Variants in SEMA5A observed in about 807,000 individuals in gnomAD.
The protein encoded by SEMA5A is semaphorin 5A.
SEMA5A carries 55 observed loss-of-function variants against 135.5 expected under a neutral mutation model. That is an observed-to-expected ratio of 0.41 (90% CI 0.33 to 0.51). The LOEUF (loss-of-function observed/expected upper bound fraction) is 0.51. Ranked by LOEUF, SEMA5A falls within the 20% of genes least tolerant of loss-of-function variation. The probability of loss-of-function intolerance (pLI) is 0.37; values close to 1 mark genes in which losing one functional copy is unlikely to be tolerated. For missense variants in SEMA5A, 1,290 were observed against 1,419.9 expected (o/e 0.91, Z 1.47); for synonymous variants, 580 against 546.5 (o/e 1.06, Z -0.85).
chr5:9,440,019 T>C (rs1409957640), intron 1 of SEMA5A, among the ~76,000 whole-genome samples: 6 of 152,264 alleles, frequency 3.9e-5, no homozygotes, highest in African/African-American at 1.4e-4. Flanking sequence ...AAGTGAGCCA[T>C]GTTGGGACTT....
chr5:9,118,900 C>T, intron 15 of SEMA5A, 98 bp downstream of exon 15: 1 of 1,455,618 alleles, frequency 6.9e-7, no homozygotes, highest in South Asian at 1.3e-5. Context: ...CACACATAAG[C>T]TTAGGCAGAT....
chr5:9,463,597 T>C (rs1381104030), intron 1 of SEMA5A, among the ~76,000 whole-genome samples: 1 of 152,206 alleles, frequency 6.6e-6, no homozygotes, highest in Non-Finnish European at 1.5e-5. Flanking sequence ...TAAAAATGGA[T>C]ACTCTCATTT....
intron 8 of SEMA5A, among the ~76,000 whole-genome samples, chr5:9,203,054 A>C (rs1207794215): frequency 6.6e-6 from 1 of 152,238 alleles, no homozygotes; most frequent in Non-Finnish European, 1.5e-5. Context: ...ATACATTATC[A>C]ACTGAATTTT....
intron 20 of SEMA5A, among the ~76,000 whole-genome samples, chr5:9,051,295 C>A (rs967491926): frequency 1.3e-5 from 2 of 152,200 alleles, no homozygotes; most frequent in African/African-American, 2.4e-5. Flanking sequence ...ACACAGTGGA[C>A]ATATGCGCAA....
intron 3 of SEMA5A, among the ~76,000 whole-genome samples, chr5:9,362,297 CTT>C (rs756086213): frequency 2.0e-4 from 31 of 152,106 alleles, no homozygotes; most frequent in Non-Finnish European, 4.1e-4. Flanking sequence ...CTTGACCTCT[CTT>C]TTTTATTTCT....
intron 4 of SEMA5A, among the ~76,000 whole-genome samples, chr5:9,319,855 CTG>C (rs1752548869): frequency 6.6e-6 from 1 of 151,528 alleles, no homozygotes; most frequent in Admixed American, 6.6e-5. Flanking sequence ...GGTATATAAA[CTG>C]GACATATATC....
At chr5:9,541,653 G>T (rs1010151028) in intron 1 of SEMA5A, among the ~76,000 whole-genome samples, 2 of 152,180 alleles carry the variant, frequency 1.3e-5, no homozygotes, top group African/African-American at 4.8e-5. Flanking sequence ...AATAAAGTGT[G>T]CTTGTCTTTG....
chr5:9,129,248 G>A (rs1741276166), intron 13 of SEMA5A, among the ~76,000 whole-genome samples: 1 of 152,256 alleles, frequency 6.6e-6, no homozygotes, highest in Non-Finnish European at 1.5e-5. Flanking sequence ...GAAAGAAAAG[G>A]AACTGCATTG....
At chr5:9,157,418 G>T (rs1806100) in intron 11 of SEMA5A, among the ~76,000 whole-genome samples, 13,232 of 152,230 alleles carry the variant, frequency 0.087, 946 homozygotes, top group African/African-American at 0.17. Flanking sequence ...GACTCTCCAT[G>T]TGGCCTACCA....
intron 10 of SEMA5A, among the ~76,000 whole-genome samples, chr5:9,193,703 G>A (rs1396940896): frequency 2.0e-5 from 3 of 152,094 alleles, no homozygotes; most frequent in Non-Finnish European, 2.9e-5. Context: ...TTCAACACCA[G>A]CCTGGTCAAG....
chr5:9,433,143 A>G (rs1252505348), intron 2 of SEMA5A, among the ~76,000 whole-genome samples: 1 of 152,102 alleles, frequency 6.6e-6, no homozygotes, highest in Non-Finnish European at 1.5e-5. Flanking sequence ...TTGGGGATTG[A>G]TTTTTTTCAG....
rs189215952 is a variant in SEMA5A, at chr5:9,118,033, C to A, written c.1925+965G>T. Among the ~76,000 whole-genome samples the A allele has an allele frequency of 2.0e-4, 31 of 152,254 alleles. No homozygotes were observed. The East Asian group carries it at 5.4e-3, about 27-fold the overall frequency. Reference sequence around the variant, plus strand: ...AGTTGATTTTAGGTTGTAGTAAATACCTAATAGAGAGCTATCTAAACAGTA... The same window carrying A: ...AGTTGATTTTAGGTTGTAGTAAATAACTAATAGAGAGCTATCTAAACAGTA... On this transcript the variant is annotated intron_variant, in intron 15 of 22. Transcript: ENST00000382496.
chr5:9,431,190 A>G (rs907691402), intron 2 of SEMA5A, among the ~76,000 whole-genome samples: 36 of 152,148 alleles, frequency 2.4e-4, no homozygotes, highest in African/African-American at 8.7e-4. Context: ...TGCAATGAAG[A>G]AAAGAGGAAC....
intron 18 of SEMA5A, among the ~76,000 whole-genome samples, chr5:9,060,133 C>A (rs561001371): frequency 3.5e-4 from 53 of 152,184 alleles, no homozygotes; most frequent in Non-Finnish European, 6.8e-4. Flanking sequence ...CTGACTCACC[C>A]ACTGCCTAGT....
At chr5:9,530,298 G>A (rs1274231723) in intron 1 of SEMA5A, among the ~76,000 whole-genome samples, 1 of 152,158 alleles carries the variant, frequency 6.6e-6, no homozygotes, top group Non-Finnish European at 1.5e-5. Flanking sequence ...TGAGTTCAGA[G>A]ATTTCCATCT....
chr5:9,334,198 A>G (rs148645977), intron 4 of SEMA5A, among the ~76,000 whole-genome samples: 1 of 152,290 alleles, frequency 6.6e-6, no homozygotes, highest in Admixed American at 6.5e-5. Flanking sequence ...TGGTTCCACA[A>G]TGCCTAGTGC....
In SEMA5A at chr5:9,051,971, C is replaced by A; in HGVS notation, c.2747G>T (p.Arg916Leu). The A allele has an allele frequency of 6.2e-7, 1 of 1,613,798 alleles. No individual in the cohort carries two copies. ...GAACAGGAGGATGCACTGGCGGGCG[C>A]GGACTTGGACGCCAGAGGCTTCACA... ...SECEASGVQVRARQCILLFPM... is the reference protein window; with the variant it reads ...SECEASGVQVLARQCILLFPM... Residue 916 changes from arginine to leucine, a missense_variant, in exon 20 of 23, where the codon CGC becomes CTC. Physicochemically the swap from Arg to Leu is moderately radical, Grantham distance 102. Coordinates refer to ENST00000382496, the MANE Select transcript of SEMA5A (RefSeq NM_003966.3).
chr5:9,451,068 C>T (rs1758624702), intron 1 of SEMA5A, among the ~76,000 whole-genome samples: 1 of 152,198 alleles, frequency 6.6e-6, no homozygotes, highest in African/African-American at 2.4e-5. Flanking sequence ...GTTCAAAGAC[C>T]TGTCCTTGTT....
chr5:9,535,954 G>A (rs2126359426), intron 1 of SEMA5A, among the ~76,000 whole-genome samples: 1 of 152,250 alleles, frequency 6.6e-6, no homozygotes, highest in African/African-American at 2.4e-5. Flanking sequence ...CTTAGATGTG[G>A]TCCTGTCTAT....
Sources: gnomAD v4.1 joint callset for allele counts (sites outside exome capture counted in the v4.1 genomes callset) on GRCh38, gnomAD v4.1.1 for gene constraint, MANE v1.5 for transcripts, NCBI Gene and HGNC (gene_info 2026-07-23, HGNC 2026-07-21) for gene names.